DCAF1: variants seen among roughly 807,000 people sequenced by gnomAD.
The protein encoded by DCAF1 is DDB1- and CUL4-associated factor 1.
DCAF1 carries 15 observed loss-of-function variants against 128.0 expected under a neutral mutation model. The observed-to-expected ratio is 0.12, with a 90% confidence interval of 0.08 to 0.18. The LOEUF (loss-of-function observed/expected upper bound fraction) is 0.18. Among genes scored for constraint, DCAF1 ranks in the 10% least tolerant of loss-of-function variants. DCAF1 has a pLI of 1.00. For synonymous variants in DCAF1, 610 were observed against 603.0 expected (o/e 1.01, Z -0.17); for missense variants, 988 against 1,649.5 (o/e 0.60, Z 6.95).
At chr3:51,483,877 A>C in intron 2 of DCAF1, 41 bp from the exon 3 acceptor site, 2 of 1,355,064 alleles carry the variant, frequency 1.5e-6, no homozygotes, top group Non-Finnish European at 2.1e-6. Flanking sequence ...CAACCAATAA[A>C]TGAACACAAG....
At chr3:51,487,089 A>C (rs1707062053) in intron 2 of DCAF1, among the ~76,000 whole-genome samples, 1 of 151,562 alleles carries the variant, frequency 6.6e-6, no homozygotes, top group Admixed American at 6.6e-5. Flanking sequence ...CTCCCACCTC[A>C]GACTCCCAAG....
chr3:51,483,985 G>A lies in DCAF1; in HGVS notation c.-8-149C>T, dbSNP rs1358732187. 6 of 617,236 alleles carry A rather than the reference G, an allele frequency of 9.7e-6. No individual in the cohort carries two copies. In the East Asian group the frequency reaches 1.7e-4, roughly 17 times the overall value. The allele number at this position is 617,236 out of a possible 1,614,324, so 38.2% of individuals were successfully genotyped here. ...CTTGAACCCTTTGGATTTATTTGTGGTACAGCAGAAAACTCGGGATACTCA... is the reference window on the plus strand; with the variant it reads ...CTTGAACCCTTTGGATTTATTTGTGATACAGCAGAAAACTCGGGATACTCA... On this transcript the variant is annotated intron_variant, in intron 2 of 24. Transcript: ENST00000684031.
At chr3:51,442,493 T>C (rs1406260756) in intron 7 of DCAF1, among the ~76,000 whole-genome samples, 1 of 151,668 alleles carries the variant, frequency 6.6e-6, no homozygotes, top group Non-Finnish European at 1.5e-5. Flanking sequence ...AGATCAGGAG[T>C]TTGAGACCAG....
intron 3 of DCAF1, among the ~76,000 whole-genome samples, chr3:51,474,347 G>A (rs1705166809): frequency 6.6e-6 from 1 of 152,158 alleles, no homozygotes; most frequent in African/African-American, 2.4e-5. Context: ...TTGAACTCAG[G>A]AGGCGGAGGT....
chr3:51,474,150 G>A (rs1357502643), intron 3 of DCAF1, among the ~76,000 whole-genome samples: 1 of 152,058 alleles, frequency 6.6e-6, no homozygotes, highest in Non-Finnish European at 1.5e-5. Context: ...CCGGCGCCGT[G>A]GCTCATGCCT....
chr3:51,466,960 G>A (rs1704188600), intron 4 of DCAF1, 84 bp from the exon 5 acceptor site: 1 of 1,176,360 alleles, frequency 8.5e-7, no homozygotes. Flanking sequence ...AAAGGCACCT[G>A]GGTTGTTATA....
intron 23 of DCAF1, among the ~76,000 whole-genome samples, chr3:51,408,925 T>C (rs1342291878): frequency 6.6e-6 from 1 of 152,162 alleles, no homozygotes; most frequent in Admixed American, 6.5e-5. Flanking sequence ...AACTTAGCCA[T>C]GTTGCACACC....
chr3:51,403,529 T>A, intron 23 of DCAF1, 134 bp from the exon 24 acceptor site: 1 of 1,428,000 alleles, frequency 7.0e-7, no homozygotes, highest in East Asian at 2.5e-5. Context: ...GAGCACAGAC[T>A]TCATGAGCCA....
At position 51,483,722 on chromosome 3, in the gene DCAF1, G is replaced by T. The variant is rs1024548983; in HGVS notation, c.107C>A (p.Thr36Asn). 1.2e-6 allele frequency: 2 copies of T among 1,611,792 alleles called. No individual in the cohort carries two copies. The highest frequency in any genetic ancestry group is 1.7e-6 in the Non-Finnish European group (2 of 1,178,602). ...GSGQDMVPIL[T>N]RMSQLIEKET... ...GTTTTAAAAAAGTTATTCATACCTG[G>T]TAAGGATAGGTACCATGTCCTGCCC... The change falls in exon 3 of 25, where the codon ACC becomes AAC. Residue 36 changes from threonine (T) to asparagine (N), a missense_variant. This residue lies in a region of DCAF1 where 48 missense variants were observed against 52.6 expected (regional missense o/e 0.91). Transcript: ENST00000684031.
At chr3:51,472,823 C>T (rs1378823744) in intron 3 of DCAF1, among the ~76,000 whole-genome samples, 3 of 151,780 alleles carry the variant, frequency 2.0e-5, no homozygotes, top group Admixed American at 6.6e-5. Flanking sequence ...CACCACCATA[C>T]CTGGCTAAGT....
intron 3 of DCAF1, among the ~76,000 whole-genome samples, chr3:51,481,243 G>A (rs1706157075): frequency 2.0e-5 from 3 of 152,254 alleles, no homozygotes; most frequent in Middle Eastern, 3.4e-3. Context: ...AAAGGAAGTC[G>A]GAGAAGAATG....
At position 51,443,870 on chromosome 3, in the gene DCAF1, G is replaced by T. The variant is rs781903286; in HGVS notation, c.409C>A (p.Arg137=). ...GTCCTCAATGGTTGATCGGCCTCTC[G>T]GGCCCATTTGAAAAGATTCTCGACA... is the stretch of plus-strand genomic sequence containing the variant. ...GIVENLFKWA[R]EADQPLRTYS... The change falls in exon 7 of 25, where the codon CGA becomes AGA. Residue 137 remains arginine, a synonymous_variant. Transcript: ENST00000684031. The T allele has an allele frequency of 5.0e-6, 8 of 1,607,422 alleles. No individual in the cohort carries two copies. The East Asian group carries it at 1.3e-4, about 27-fold the overall frequency.
At chr3:51,498,259 C>G (rs2108615710) in intron 1 of DCAF1, among the ~76,000 whole-genome samples, 1 of 149,904 alleles carries the variant, frequency 6.7e-6, no homozygotes, top group South Asian at 2.1e-4. Flanking sequence ...ACTCCGGAGG[C>G]TGAGGCAGGA....
intron 3 of DCAF1, among the ~76,000 whole-genome samples, chr3:51,477,095 A>G (rs1705558977): frequency 6.6e-6 from 1 of 152,038 alleles, no homozygotes; most frequent in Non-Finnish European, 1.5e-5. Flanking sequence ...ACAAAACAAA[A>G]AAAAGCCCAC....
chr3:51,426,871 C>A (rs1444087474), intron 13 of DCAF1, among the ~76,000 whole-genome samples: 1 of 152,256 alleles, frequency 6.6e-6, no homozygotes, highest in South Asian at 2.1e-4. Context: ...TAGAACCTAC[C>A]CAGTTTCCTG....
At chr3:51,410,207 T>TGGCCACCAGCTGCCCACCAC (rs1698271484) in intron 23 of DCAF1, among the ~76,000 whole-genome samples, 2 of 152,226 alleles carry the variant, frequency 1.3e-5, no homozygotes, top group Admixed American at 1.3e-4. Context: ...GATCCCACCA[T>TGGCCACCAGCTGCCCACCAC]GGCCACCAGC....
chr3:51,467,588 T>C, intron 4 of DCAF1, among the ~76,000 whole-genome samples: 1 of 152,088 alleles, frequency 6.6e-6, no homozygotes, highest in Non-Finnish European at 1.5e-5. Context: ...ACATGGCACA[T>C]GTATACATAT....
intron 7 of DCAF1, 120 bp downstream of exon 7, chr3:51,443,646 A>C (rs1701577000): frequency 1.1e-6 from 1 of 880,882 alleles, no homozygotes; most frequent in African/African-American, 1.7e-5. Flanking sequence ...CTAATATTGA[A>C]ATTATAGCCA....
chr3:51,426,775 ACT>A (rs1411484107), intron 13 of DCAF1, among the ~76,000 whole-genome samples: 10 of 152,198 alleles, frequency 6.6e-5, no homozygotes, highest in Admixed American at 6.5e-4. Flanking sequence ...AAGGTCAAGC[ACT>A]CTGTTTATAA....
Sources: allele counts gnomAD v4.1 joint callset (sites outside exome capture counted in the v4.1 genomes callset), GRCh38; gene constraint gnomAD v4.1.1; regional missense constraint gnomAD v4.1.1; transcripts MANE v1.5; gene names NCBI Gene and HGNC (gene_info 2026-07-23, HGNC 2026-07-21).